The following MAN2B2 variants were observed in gnomAD, a reference collection of about 807,000 sequenced individuals.
The protein encoded by MAN2B2 is epididymis-specific alpha-mannosidase.
Under a neutral mutation model 117.1 loss-of-function variants are expected in MAN2B2, and 106 were observed. The ratio of observed to expected loss-of-function variants is 0.90; its 90% CI spans 0.77 to 1.06. The LOEUF is 1.06. Among genes scored for constraint, MAN2B2 ranks in the 50% least tolerant of loss-of-function variants. The pLI is 0.00. For synonymous variants in MAN2B2, 544 were observed against 595.1 expected (o/e 0.91, Z 1.25); for missense variants, 1,326 against 1,381.4 (o/e 0.96, Z 0.64).
intron 10 of MAN2B2, among the ~76,000 whole-genome samples, chr4:6,601,974 G>C (rs1397413022): frequency 6.6e-6 from 1 of 152,232 alleles, no homozygotes; most frequent in Admixed American, 6.5e-5. Flanking sequence ...GATCTACCCA[G>C]CGGACTGATA....
intron 1 of MAN2B2, among the ~76,000 whole-genome samples, chr4:6,575,605 G>A (rs1577266590): frequency 1.3e-5 from 2 of 152,256 alleles, no homozygotes; most frequent in Admixed American, 1.3e-4. Context: ...GGAGGGGCTT[G>A]GGGGTTGACA....
intron 16 of MAN2B2, among the ~76,000 whole-genome samples, chr4:6,615,413 A>C (rs1711815021): frequency 1.3e-5 from 2 of 152,004 alleles, no homozygotes; most frequent in Non-Finnish European, 2.9e-5. Flanking sequence ...ATGTAGAAGC[A>C]CTTTCACAAA....
intron 17 of MAN2B2, chr4:6,619,208 CG>C (rs1337548088): frequency 6.6e-6 from 1 of 152,248 alleles, no homozygotes; most frequent in Non-Finnish European, 1.5e-5. Context: ...GTTTTCTCAC[CG>C]AACAGGCATG....
At chr4:6,596,741 GCTC>G (rs1727105998) in intron 7 of MAN2B2, among the ~76,000 whole-genome samples, 1 of 152,134 alleles carries the variant, frequency 6.6e-6, no homozygotes, top group Non-Finnish European at 1.5e-5. Flanking sequence ...TGCCCACCTG[GCTC>G]CTCCTCTTCC....
Position 6,589,063 on chromosome 4 carries a change from C to T in MAN2B2, c.583C>T (p.Arg195Ter), listed in dbSNP as rs767373380. The change falls in exon 5 of 19, where the codon CGA becomes TGA. Residue 195 changes from arginine (R) to a stop codon, truncating the protein, a stop_gained. Transcript: ENST00000285599. LOFTEE classifies it high-confidence loss of function. ...TTTGCAGGGGCTGCAGTTCGTGTGG[C>T]GAGGGTCCCCATCCCTCTCAGAGCG... is the stretch of plus-strand genomic sequence containing the variant. ...QEARGLQFVWRGSPSLSERQE... is the reference protein window; with the variant it reads ...QEARGLQFVW 1.1e-5 allele frequency: 18 copies of T among 1,613,820 alleles called. No homozygotes were observed. In the South Asian group the frequency reaches 1.3e-4, roughly 12 times the overall value.
chr4:6,609,602 G>T, intron 12 of MAN2B2, 196 bp from the exon 13 acceptor site: 2 of 680,590 alleles, frequency 2.9e-6, no homozygotes, highest in Non-Finnish European at 4.9e-6. Context: ...TGGCAGCCCT[G>T]CGGTGTCGGG....
chr4:6,598,292 A>G lies in MAN2B2; in HGVS notation c.1343A>G (p.Lys448Arg), dbSNP rs1000435674. ...HLASGMLGMR[K>R]LMASIVLDEL... ...GCCTCGGGGATGCTGGGCATGCGCA[A>G]GCTGATGGCCTCCATCGTCCTAGAT... is the stretch of plus-strand genomic sequence containing the variant. The change falls in exon 9 of 19, where the codon AAG becomes AGG. Residue 448 changes from lysine (K) to arginine (R), a missense_variant. Physicochemically the swap from Lys to Arg is conservative, Grantham distance 26 (BLOSUM62 2). Transcript: ENST00000285599. 5 of 1,613,496 alleles carry G rather than the reference A, an allele frequency of 3.1e-6. No homozygotes were observed. In the African/African-American group the frequency reaches 6.7e-5, roughly 22 times the overall value.
chr4:6,594,807 A>G, intron 7 of MAN2B2, 75 bp downstream of exon 7: 1 of 1,455,708 alleles, frequency 6.9e-7, no homozygotes. Context: ...TGCCCACTTC[A>G]GTGGCTGCTC....
At chr4:6,598,993 G>C (rs1727217437) in intron 9 of MAN2B2, among the ~76,000 whole-genome samples, 2 of 152,260 alleles carry the variant, frequency 1.3e-5, no homozygotes, top group Admixed American at 1.3e-4. Flanking sequence ...GAAGATCCTG[G>C]ACAAATGAAG....
intron 6 of MAN2B2, among the ~76,000 whole-genome samples, chr4:6,593,612 C>T (rs900687984): frequency 1.3e-5 from 2 of 152,346 alleles, no homozygotes; most frequent in East Asian, 1.9e-4. Context: ...GGCTGGCTCC[C>T]GGCTCGGGCA....
rs1711962035 is a variant in MAN2B2, at chr4:6,617,715, CTG to C, written c.2814+225_2814+226del. The C allele has an allele frequency of 1.4e-5, 10 of 738,702 alleles. No homozygotes were observed. In the South Asian group the frequency reaches 1.9e-4, roughly 14 times the overall value. The allele number at this position is 738,702 out of a possible 1,614,324, so 45.8% of individuals were successfully genotyped here. On this transcript the variant is annotated intron_variant, in intron 17 of 18. Transcript: ENST00000285599. ...TGTATATGTGAGACAGGATCTCACT[CTG>C]TTGCCCAGTCTGGGGTGCAGTGGCA...
At chr4:6,585,003 C>T (rs1726577912) in intron 3 of MAN2B2, among the ~76,000 whole-genome samples, 1 of 152,100 alleles carries the variant, frequency 6.6e-6, no homozygotes, top group South Asian at 2.1e-4. Flanking sequence ...GGTGCTGTTG[C>T]CCACTCCCTC....
rs747060736 is a variant in MAN2B2, at chr4:6,594,631, C to T, written c.956C>T (p.Ser319Leu). 2.2e-5 allele frequency: 35 copies of T among 1,613,582 alleles called. 1 individual carries two copies. In the Admixed American group the frequency reaches 2.8e-4, roughly 13 times the overall value. Residue 319 changes from serine to leucine, a missense_variant, in exon 7 of 19, where the codon TCG becomes TTG. By Grantham distance (145) the Ser-to-Leu change is moderately radical. Transcript: ENST00000285599. ...INSHAAELGV[S>L]VQYATLGDYF... ...AGCCATGCTGCCGAGCTCGGTGTCT[C>T]GGTGCAGTATGCCACGCTGGGCGAC...
intron 10 of MAN2B2, among the ~76,000 whole-genome samples, chr4:6,603,745 C>T (rs1000501118): frequency 6.6e-6 from 1 of 152,006 alleles, no homozygotes; most frequent in East Asian, 1.9e-4. Flanking sequence ...ATATGATAGG[C>T]GATGACCACC....
Position 6,597,299 on chromosome 4 carries a change from C to T in MAN2B2, c.1244C>T (p.Ser415Phe), listed in dbSNP as rs995486923. The T allele has an allele frequency of 6.5e-7, 1 of 1,542,378 alleles. No homozygotes were observed. Among genetic ancestry groups the T allele is most frequent in the African/African-American group, 1.4e-5 (1 of 72,164 alleles). Residue 415 changes from serine to phenylalanine, a missense_variant, in exon 8 of 19, where the codon TCC becomes TTC. Coordinates refer to ENST00000285599, the MANE Select transcript of MAN2B2 (RefSeq NM_015274.3). ...CTCCAGCAGCTTCGCTGGGCCGTCT[C>T]CGAGGTAACACCACATTTAGCCACA... ...QQLQQLRWAV[S>F]EVQHHDAITG...
Position 6,609,856 on chromosome 4 carries a change from C to T in MAN2B2, c.2065C>T (p.Gln689Ter), listed in dbSNP as rs1319179122. 2 of 1,614,136 alleles carry T rather than the reference C, an allele frequency of 1.2e-6. No homozygotes were observed. Among genetic ancestry groups the T allele is most frequent in the Admixed American group, 1.7e-5 (1 of 60,026 alleles). Residue 689 changes from glutamine to a stop codon, truncating the protein, a stop_gained, in exon 13 of 19, where the codon CAG becomes TAG. Transcript: ENST00000285599. LOFTEE classifies it high-confidence loss of function. ...CCGCTCCCGGCTCACCCATGTGCCG[C>T]AGGGCCATGACGGGGAGCTGCTCTG... Reference protein sequence around the residue: ...AIRSRLTHVPQGHDGELLCHR... With the variant: ...AIRSRLTHVP
In MAN2B2 at chr4:6,576,637, C is replaced by T. The variant is rs779997292; in HGVS notation, c.198C>T (p.Arg66=). 17 of 1,613,642 alleles carry T rather than the reference C, an allele frequency of 1.1e-5. No individual in the cohort carries two copies. The highest frequency in any genetic ancestry group is 1.6e-4 in the Middle Eastern group (1 of 6,080). The part of the protein sequence containing the change: ...VYTSVVEELA[R]GQQRRFIAVE... ...CCTCAGTGGTGGAAGAGCTGGCCCGCGGCCAGCAGCGCCGGTTCATCGCTG... is the reference window on the plus strand; with the variant it reads ...CCTCAGTGGTGGAAGAGCTGGCCCGTGGCCAGCAGCGCCGGTTCATCGCTG... Residue 66 remains arginine, a synonymous_variant, in exon 2 of 19, where the codon CGC becomes CGT. Coordinates refer to ENST00000285599, the MANE Select transcript of MAN2B2 (RefSeq NM_015274.3).
intron 5 of MAN2B2, among the ~76,000 whole-genome samples, chr4:6,591,969 G>T (rs1351918392): frequency 6.6e-6 from 1 of 152,152 alleles, no homozygotes; most frequent in East Asian, 1.9e-4. Context: ...AAAAACTGAG[G>T]CACAGCAGCC....
chr4:6,602,929 GCCTC>G (rs1175799187), intron 10 of MAN2B2, among the ~76,000 whole-genome samples: 4 of 152,056 alleles, frequency 2.6e-5, no homozygotes, highest in Non-Finnish European at 5.9e-5. Flanking sequence ...TCCCACCTTG[GCCTC>G]CCAAAGAGCT....
Sources: allele counts gnomAD v4.1 joint callset (sites outside exome capture counted in the v4.1 genomes callset), GRCh38; gene constraint gnomAD v4.1.1; transcripts MANE v1.5; gene names NCBI Gene and HGNC (gene_info 2026-07-23, HGNC 2026-07-21).